SRBD1: variants seen among roughly 807,000 people sequenced by gnomAD.
The protein encoded by SRBD1 is S1 RNA binding domain 1, also known as S1 RNA-binding domain-containing protein 1.
SRBD1 carries 88 observed loss-of-function variants against 115.3 expected under a neutral mutation model. The ratio of observed to expected loss-of-function variants is 0.76; its 90% confidence interval spans 0.64 to 0.91. The LOEUF (loss-of-function observed/expected upper bound fraction) is 0.91. Among genes scored for constraint, SRBD1 ranks in the 40% least tolerant of loss-of-function variants. The pLI is 0.00. For missense variants in SRBD1, 1,385 were observed against 1,177.4 expected (o/e 1.18, Z -2.58); for synonymous variants, 509 against 407.7 (o/e 1.25, Z -2.99).
At chr2:45,586,960 A>AATTATAAATATTAAAATATTTAAAATT (rs1182008160) in intron 4 of SRBD1, among the ~76,000 whole-genome samples, 1 of 146,606 alleles carries the variant, frequency 6.8e-6, no homozygotes, top group Admixed American at 6.8e-5. Context: ...AATTATTTTA[A>AATTATAAATATTAAAATATTTAAAATT]ATTATAAATA....
At chr2:45,519,616 C>T (rs558050313) in intron 14 of SRBD1, among the ~76,000 whole-genome samples, 2 of 152,318 alleles carry the variant, frequency 1.3e-5, no homozygotes, top group East Asian at 3.9e-4. Flanking sequence ...ATTCCGACAA[C>T]TGCAGTGTTT....
intron 15 of SRBD1, among the ~76,000 whole-genome samples, chr2:45,487,632 G>A (rs927098651): frequency 1.1e-4 from 16 of 151,706 alleles, no homozygotes; most frequent in Non-Finnish European, 1.9e-4. Context: ...AAAGATCTTA[G>A]GATCTTTTAT....
At chr2:45,602,886 G>T (rs1674143853) in intron 2 of SRBD1, among the ~76,000 whole-genome samples, 1 of 152,142 alleles carries the variant, frequency 6.6e-6, no homozygotes, top group East Asian at 1.9e-4. Flanking sequence ...CTGACTGGAT[G>T]ACTTCTTAGC....
intron 16 of SRBD1, among the ~76,000 whole-genome samples, chr2:45,444,716 C>G (rs1035931863): frequency 2.6e-5 from 4 of 152,118 alleles, no homozygotes; most frequent in Non-Finnish European, 4.4e-5. Flanking sequence ...TAATCTTTTT[C>G]TCTAAATTTC....
At chr2:45,603,777 G>A (rs778315549) in intron 2 of SRBD1, among the ~76,000 whole-genome samples, 10 of 152,074 alleles carry the variant, frequency 6.6e-5, no homozygotes, top group South Asian at 2.1e-4. Flanking sequence ...TGATCAGCCC[G>A]ACGTGGCCTC....
chr2:45,588,163 A>G (rs1673604934), intron 4 of SRBD1, among the ~76,000 whole-genome samples: 1 of 152,206 alleles, frequency 6.6e-6, no homozygotes, highest in Non-Finnish European at 1.5e-5. Context: ...TACACAAAGC[A>G]ACAAGAATGT....
intron 4 of SRBD1, among the ~76,000 whole-genome samples, chr2:45,591,204 C>G (rs1193918065): frequency 1.3e-5 from 2 of 152,110 alleles, no homozygotes; most frequent in Non-Finnish European, 2.9e-5. Flanking sequence ...ATTTTGCAGA[C>G]CCTGCACTAC....
At chr2:45,515,059 T>C (rs965631621) in intron 14 of SRBD1, among the ~76,000 whole-genome samples, 3 of 152,172 alleles carry the variant, frequency 2.0e-5, no homozygotes, top group African/African-American at 7.2e-5. Context: ...ACTAAGACAC[T>C]TGGAAATTAA....
intron 14 of SRBD1, among the ~76,000 whole-genome samples, chr2:45,526,565 A>G (rs943022706): frequency 1.3e-5 from 2 of 151,984 alleles, no homozygotes; most frequent in African/African-American, 2.4e-5. Flanking sequence ...GAATATATTA[A>G]AAATCGCTGA....
chr2:45,546,141 C>T, intron 14 of SRBD1: 5 of 984,524 alleles, frequency 5.1e-6, no homozygotes, highest in Non-Finnish European at 6.0e-6. Context: ...AGTAGGGAAA[C>T]AATGGTGAAA....
At chr2:45,508,099 G>A (rs1029152027) in intron 14 of SRBD1, among the ~76,000 whole-genome samples, 2 of 152,098 alleles carry the variant, frequency 1.3e-5, no homozygotes, top group Non-Finnish European at 2.9e-5. Flanking sequence ...AATTTAGAAG[G>A]TTGTTCAGCT....
At chr2:45,395,602 C>T (rs1288347660) in intron 19 of SRBD1, among the ~76,000 whole-genome samples, 1 of 152,158 alleles carries the variant, frequency 6.6e-6, no homozygotes, top group African/African-American at 2.4e-5. Context: ...TCATATTGAT[C>T]AACCTATTTT....
intron 11 of SRBD1, among the ~76,000 whole-genome samples, chr2:45,553,310 C>G (rs879385739): frequency 1.4e-4 from 21 of 152,192 alleles, no homozygotes; most frequent in African/African-American, 5.1e-4. Flanking sequence ...CTACTGATTT[C>G]CTTATGCTTT....
At chr2:45,576,355 C>A (rs1673176704) in intron 7 of SRBD1, among the ~76,000 whole-genome samples, 1 of 149,842 alleles carries the variant, frequency 6.7e-6, no homozygotes, top group African/African-American at 2.5e-5. Context: ...GGCTTCAGGT[C>A]AACAGTAGGC....
chr2:45,424,248 A>G (rs1668088204), intron 16 of SRBD1, among the ~76,000 whole-genome samples: 1 of 152,112 alleles, frequency 6.6e-6, no homozygotes, highest in African/African-American at 2.4e-5. Flanking sequence ...GCAGCTTCCA[A>G]GATGGTTCCC....
chr2:45,444,863 G>C (rs569266222), intron 16 of SRBD1, among the ~76,000 whole-genome samples: 1 of 152,198 alleles, frequency 6.6e-6, no homozygotes, highest in Non-Finnish European at 1.5e-5. Flanking sequence ...CGTTCATTCA[G>C]CAAAGGCAAC....
Position 45,556,448 on chromosome 2 carries a change from C to CTTTTTTT in SRBD1, c.1410-2725_1410-2719dup, listed in dbSNP as rs59284495. Among the ~76,000 whole-genome samples, 34 of 78,834 alleles carry CTTTTTTT rather than the reference C, an allele frequency of 4.3e-4. 7 individuals are homozygous for CTTTTTTT. Among genetic ancestry groups the CTTTTTTT allele is most frequent in the African/African-American group, 1.0e-3 (19 of 18,556 alleles). 51.7% of individuals were successfully genotyped at this position (78,834 alleles called of 152,430 possible). A position where few individuals can be genotyped will look rare whatever the true frequency, so the allele number is the denominator to read the frequency against. On this transcript the variant is annotated intron_variant, in intron 10 of 20. Coordinates refer to ENST00000263736, the MANE Select transcript of SRBD1 (RefSeq NM_018079.5). Reference sequence around the variant, plus strand: ...ATCTGTTCTGCTCTATGCTCTATTACTTTTTTTTTTTTTTTTTTTTTTTTT... The same window carrying CTTTTTTT: ...ATCTGTTCTGCTCTATGCTCTATTACTTTTTTTTTTTTTTTTTTTTTTTTTTTTTTTT...
intron 19 of SRBD1, among the ~76,000 whole-genome samples, chr2:45,398,600 T>C (rs1271896054): frequency 6.6e-6 from 1 of 152,210 alleles, no homozygotes; most frequent in Non-Finnish European, 1.5e-5. Context: ...AAAGCTGTTT[T>C]ATTTTAAAAT....
intron 14 of SRBD1, among the ~76,000 whole-genome samples, chr2:45,541,895 TG>T (rs941651031): frequency 6.6e-6 from 1 of 152,210 alleles, no homozygotes; most frequent in Non-Finnish European, 1.5e-5. Context: ...TGGGCAGCCA[TG>T]GGCATGTCTG....
Sources: gnomAD v4.1 joint callset for allele counts (sites outside exome capture counted in the v4.1 genomes callset) on GRCh38, gnomAD v4.1.1 for gene constraint, MANE v1.5 for transcripts, NCBI Gene and HGNC (gene_info 2026-07-23, HGNC 2026-07-21) for gene names.